ZMAT4: variants seen among roughly 807,000 people sequenced by gnomAD.
The protein encoded by ZMAT4 is zinc finger matrin-type protein 4.
A neutral mutation model predicts 28.7 loss-of-function variants in ZMAT4; 17 were observed. That is an observed-to-expected ratio of 0.59 (90% CI 0.41 to 0.89). The LOEUF (loss-of-function observed/expected upper bound fraction) is 0.89. Ranked by LOEUF, ZMAT4 falls within the 40% of genes least tolerant of loss-of-function variation. ZMAT4 has a pLI of 0.00. For missense variants in ZMAT4, 240 were observed against 283.8 expected, an observed-to-expected ratio of 0.85 and a Z score of 1.11; for synonymous variants, 117 against 109.2, an observed-to-expected ratio of 1.07 and a Z score of -0.44.
intron 3 of ZMAT4, among the ~76,000 whole-genome samples, chr8:40,735,482 G>A (rs559936298): frequency 6.6e-6 from 1 of 152,200 alleles, no homozygotes; most frequent in Non-Finnish European, 1.5e-5. Context: ...TACTTACTTA[G>A]AATAGTCCAT....
At chr8:40,675,261 C>T (rs1308333368) in intron 4 of ZMAT4, among the ~76,000 whole-genome samples, 1 of 152,134 alleles carries the variant, frequency 6.6e-6, no homozygotes, top group Non-Finnish European at 1.5e-5. Context: ...TGGACAGTAG[C>T]TCTAAGTATT....
At chr8:40,672,681 C>T (rs1413148276) in intron 5 of ZMAT4, among the ~76,000 whole-genome samples, 1 of 152,146 alleles carries the variant, frequency 6.6e-6, no homozygotes, top group Non-Finnish European at 1.5e-5. Context: ...TTCTTCAAGT[C>T]ATAATAACTG....
At position 40,651,959 on chromosome 8, in the gene ZMAT4, G is replaced by A. The variant is rs1303264420; in HGVS notation, c.577+22745C>T. ...AGATGGATTAAAGACTTAAATGTTA[G>A]ACCTAAAACCATAAAAACCCTAGAA... On this transcript the variant is annotated intron_variant, in intron 5 of 6. Transcript: ENST00000297737. 2.6e-5 allele frequency among the ~76,000 whole-genome samples: 3 copies of A among 113,924 alleles called. No individual in the cohort carries two copies. The Admixed American group carries it at 2.8e-4, about 11-fold the overall frequency. The allele number at this position is 113,924 out of a possible 152,430, so 74.7% of individuals were successfully genotyped here.
chr8:40,567,453 A>G (rs1222185449), intron 6 of ZMAT4, among the ~76,000 whole-genome samples: 2 of 152,134 alleles, frequency 1.3e-5, no homozygotes, highest in African/African-American at 2.4e-5. Context: ...AAGAAAAGCC[A>G]GGCATGGTGG....
At chr8:40,631,916 A>T (rs1227767088) in intron 5 of ZMAT4, among the ~76,000 whole-genome samples, 1 of 152,186 alleles carries the variant, frequency 6.6e-6, no homozygotes, top group East Asian at 1.9e-4. Flanking sequence ...TCAAATACTC[A>T]GACGAAACCT....
At chr8:40,698,617 G>A (rs546238268) in intron 3 of ZMAT4, among the ~76,000 whole-genome samples, 49 of 152,280 alleles carry the variant, frequency 3.2e-4, no homozygotes, top group African/African-American at 1.1e-3. Context: ...TTGGAGGAAG[G>A]GAATTACATA....
intron 3 of ZMAT4, among the ~76,000 whole-genome samples, chr8:40,724,677 G>T (rs1027821645): frequency 1.3e-5 from 2 of 152,184 alleles, no homozygotes; most frequent in African/African-American, 4.8e-5. Flanking sequence ...GGGAAGCACA[G>T]AAGAGACAAT....
intron 6 of ZMAT4, 134 bp downstream of exon 6, chr8:40,581,028 TATC>T: frequency 1.6e-6 from 1 of 625,944 alleles, no homozygotes; most frequent in Non-Finnish European, 2.7e-6. Flanking sequence ...TAAGCATAAA[TATC>T]ATGTGAACTT....
intron 5 of ZMAT4, among the ~76,000 whole-genome samples, chr8:40,601,474 A>G (rs1428088696): frequency 2.4e-4 from 16 of 67,314 alleles, no homozygotes; most frequent in East Asian, 6.4e-4. Context: ...GAAAGGAAAG[A>G]AAGAAAGAAA....
In ZMAT4 at chr8:40,780,209, T is replaced by A. The variant is rs180687540; in HGVS notation, c.103-12479A>T. Among the ~76,000 whole-genome samples the A allele has an allele frequency of 1.9e-3, 292 of 152,266 alleles. 1 individual carries two copies. The highest frequency in any genetic ancestry group is 4.6e-3 in the Admixed American group (70 of 15,290). The stretch of plus-strand genomic sequence containing the variant: ...TAAATCGAAATGCATTTGACACACC[T>A]AACCTACCCGACACCATAGCTTAGC... On this transcript the variant is annotated intron_variant, in intron 2 of 6. Transcript: ENST00000297737.
intron 1 of ZMAT4, among the ~76,000 whole-genome samples, chr8:40,846,123 AC>A (rs1375634885): frequency 1.3e-5 from 2 of 152,200 alleles, no homozygotes; most frequent in Non-Finnish European, 2.9e-5. Context: ...CCCAGCTGAG[AC>A]CGGGAGATAG....
chr8:40,779,361 T>G lies in ZMAT4; in HGVS notation c.103-11631A>C, dbSNP rs143172712. On this transcript the variant is annotated intron_variant, in intron 2 of 6. Transcript: ENST00000297737. ...AGGGTGAAAACTGAACTAATGCAAG[T>G]ACCCACCCACCAAGAAACGCCCAGA... is the stretch of plus-strand genomic sequence containing the variant. Among the ~76,000 whole-genome samples, 3 of 152,084 alleles carry G rather than the reference T, an allele frequency of 2.0e-5. No homozygotes were observed. In the East Asian group the frequency reaches 5.8e-4, roughly 29 times the overall value.
chr8:40,735,775 C>A (rs1043600676), intron 3 of ZMAT4, among the ~76,000 whole-genome samples: 10 of 152,228 alleles, frequency 6.6e-5, no homozygotes, highest in African/African-American at 2.4e-4. Flanking sequence ...TAAACAAAGA[C>A]ATATGGACGT....
At chr8:40,618,659 G>GA (rs11373573) in intron 5 of ZMAT4, among the ~76,000 whole-genome samples, 70,657 of 139,198 alleles carry the variant, frequency 0.51, 18,554 homozygotes, top group Non-Finnish European at 0.61. Flanking sequence ...TCTACCACTA[G>GA]AAAAAAAAAA....
intron 5 of ZMAT4, among the ~76,000 whole-genome samples, chr8:40,592,347 A>T (rs1804922862): frequency 6.6e-6 from 1 of 152,236 alleles, no homozygotes. Flanking sequence ...ACACAGCCCT[A>T]GTTAAAGAGC....
chr8:40,670,788 G>T (rs1808632141), intron 5 of ZMAT4, among the ~76,000 whole-genome samples: 1 of 152,180 alleles, frequency 6.6e-6, no homozygotes, highest in Non-Finnish European at 1.5e-5. Flanking sequence ...GTACTTGACG[G>T]CAGGGTGTGG....
chr8:40,582,599 T>G (rs529895505), intron 5 of ZMAT4, among the ~76,000 whole-genome samples: 1 of 152,348 alleles, frequency 6.6e-6, no homozygotes, highest in South Asian at 2.1e-4. Flanking sequence ...TTTTTATCAA[T>G]GCATAGTATT....
chr8:40,563,332 G>A (rs10093578), intron 6 of ZMAT4, among the ~76,000 whole-genome samples: 10,747 of 152,074 alleles, frequency 0.071, 417 homozygotes, highest in African/African-American at 0.1. Flanking sequence ...GATTATTTTC[G>A]TCTATTAATT....
At chr8:40,590,445 TATC>T (rs1398848908) in intron 5 of ZMAT4, among the ~76,000 whole-genome samples, 2 of 152,034 alleles carry the variant, frequency 1.3e-5, no homozygotes, top group East Asian at 3.9e-4. Context: ...ACTTGAGAGT[TATC>T]ATCTCCCCTA....
Sources: allele counts gnomAD v4.1 joint callset (sites outside exome capture counted in the v4.1 genomes callset), GRCh38; gene constraint gnomAD v4.1.1; transcripts MANE v1.5; gene names NCBI Gene and HGNC (gene_info 2026-07-23, HGNC 2026-07-21).